Variants in NUP160 observed in about 807,000 individuals in gnomAD.
The protein encoded by NUP160 is nuclear pore complex protein Nup160.
Under a neutral mutation model 196.9 loss-of-function variants are expected in NUP160, and 94 were observed. The ratio of observed to expected loss-of-function variants is 0.48; its 90% CI spans 0.40 to 0.57. The LOEUF (loss-of-function observed/expected upper bound fraction) is 0.57, where lower values mean the gene tolerates loss of function less well. Among genes scored for constraint, NUP160 ranks in the 20% least tolerant of loss-of-function variants. NUP160 has a pLI of 0.00. For missense variants in NUP160, 1,638 were observed against 1,748.3 expected (o/e 0.94, Z 1.13); for synonymous variants, 605 against 619.7 (o/e 0.98, Z 0.35).
At chr11:47,832,989 A>G (rs1171606081) in intron 7 of NUP160, among the ~76,000 whole-genome samples, 2 of 148,886 alleles carry the variant, frequency 1.3e-5, no homozygotes, top group Non-Finnish European at 3.0e-5. Flanking sequence ...CTGGGAAGAA[A>G]TGGGGGAAGG....
chr11:47,782,652 ATTAT>A (rs528276059), intron 34 of NUP160, among the ~76,000 whole-genome samples: 4 of 151,250 alleles, frequency 2.6e-5, no homozygotes, highest in Admixed American at 6.6e-5. Context: ...TTATTTATTT[ATTAT>A]TTATTTATTT....
intron 20 of NUP160, among the ~76,000 whole-genome samples, chr11:47,805,100 T>C (rs1009868301): frequency 1.3e-5 from 2 of 151,810 alleles, no homozygotes; most frequent in Admixed American, 6.6e-5. Flanking sequence ...ACCTGGCATA[T>C]AGAGTCATTC....
chr11:47,848,071 G>A (rs1852435968), intron 1 of NUP160, 112 bp from the exon 2 acceptor site: 5 of 1,258,658 alleles, frequency 4.0e-6, no homozygotes, highest in African/African-American at 1.5e-5. Context: ...AAGAAAAGAG[G>A]AAAACGTCGG....
At position 47,836,546 on chromosome 11, in the gene NUP160, G is replaced by C. The variant is rs538116617; in HGVS notation, c.942+341C>G. On this transcript the variant is annotated intron_variant, in intron 6 of 35. Transcript: ENST00000378460. ...GGGAATTGCTTGAGCCCGGGAGGCA[G>C]AGGCTGCAGTGAGCTATATTCATGC... is the stretch of plus-strand genomic sequence containing the variant. Among the ~76,000 whole-genome samples, 351 of 152,262 alleles carry C rather than the reference G, an allele frequency of 2.3e-3. 1 individual carries two copies. The highest frequency in any genetic ancestry group is 6.8e-3 in the Middle Eastern group (2 of 294).
chr11:47,822,116 C>T (rs756941242), exon 8 of NUP160: 24 of 1,610,578 alleles, frequency 1.5e-5, no homozygotes, highest in Non-Finnish European at 2.0e-5. Context: ...GAAATATGAT[C>T]GAGACTATAG....
chr11:47,793,145 G>A (rs1447165307), intron 27 of NUP160, among the ~76,000 whole-genome samples, 199 bp from the exon 28 acceptor site: 1 of 151,836 alleles, frequency 6.6e-6, no homozygotes, highest in Non-Finnish European at 1.5e-5. Flanking sequence ...CGACCACCAC[G>A]CCCGGCTAAT....
At chr11:47,792,946 G>C in exon 28 of NUP160, 1 of 1,605,378 alleles carries the variant, frequency 6.2e-7, no homozygotes, top group Non-Finnish European at 8.5e-7. Context: ...CACTGTGCCA[G>C]CTATGAGGAG....
rs2097681338 is a variant in NUP160, at chr11:47,811,863, ACT to A, written c.2241+199_2241+200del. On this transcript the variant is annotated intron_variant, in intron 17 of 35. Transcript: ENST00000378460. ...CCCTCCATATATGCTCTTAATCTAT[ACT>A]CTCACAAGGATTACAATGCTTATTC... Among the ~76,000 whole-genome samples the A allele has an allele frequency of 2.0e-5, 3 of 152,220 alleles. 1 individual carries two copies. In the South Asian group the frequency reaches 6.2e-4, roughly 32 times the overall value.
intron 27 of NUP160, among the ~76,000 whole-genome samples, chr11:47,793,749 TTTTTTTTTG>T (rs2097669297): frequency 7.1e-6 from 1 of 141,486 alleles, no homozygotes; most frequent in African/African-American, 2.7e-5. Context: ...TTTTTTTTTT[TTTTTTTTTG>T]AGACGGAGTT....
Position 47,836,903 on chromosome 11 carries a change from C to T in NUP160, c.926G>A (p.Arg309Gln), listed in dbSNP as rs751881829. ...AGCACTTACCTTGTAAGACCACATT[C>T]GTAGTTTATGATCCTGACACAAAGC... Residue 309 changes from arginine to glutamine, a missense_variant, in exon 6 of 36, where the codon CGA (arginine) becomes CAA (glutamine). Arg to Gln is a conservative substitution (Grantham distance 43, BLOSUM62 1). Coordinates refer to ENST00000378460, the Ensembl canonical transcript of NUP160. 3.7e-5 allele frequency: 60 copies of T among 1,600,786 alleles called. No homozygotes were observed. The Admixed American group carries it at 8.3e-4, about 22-fold the overall frequency.
At chr11:47,805,231 G>GTGATTCTCCTCCCTCAGCCTCC (rs1205223092) in intron 20 of NUP160, among the ~76,000 whole-genome samples, 37 of 151,926 alleles carry the variant, frequency 2.4e-4, no homozygotes, top group African/African-American at 8.5e-4. Flanking sequence ...CAAGGTTCAA[G>GTGATTCTCCTCCCTCAGCCTCC]TGATTCTCCT....
chr11:47,839,806 G>A lies in NUP160; in HGVS notation c.748+37C>T, dbSNP rs1473609568. 4 of 1,519,778 alleles carry A rather than the reference G, an allele frequency of 2.6e-6. No individual in the cohort carries two copies. In the African/African-American group the frequency reaches 5.5e-5, roughly 21 times the overall value. 94.1% of individuals were successfully genotyped at this position (1,519,778 alleles called of 1,614,324 possible). On this transcript the variant is annotated intron_variant, in intron 4 of 35. Coordinates refer to ENST00000378460, the Ensembl canonical transcript of NUP160. ...AACTGTTTCAATGTTAACATTCCTT[G>A]TTTAAAGTTAAATCCATGCTCAGTT...
intron 14 of NUP160, 55 bp downstream of exon 14, chr11:47,813,261 A>C: frequency 1.1e-5 from 14 of 1,304,488 alleles, no homozygotes; most frequent in South Asian, 3.6e-5. Flanking sequence ...TGTGAAACGA[A>C]GCATAGGGTT....
chr11:47,788,463 G>A, intron 30 of NUP160, 38 bp downstream of exon 30: 1 of 1,574,698 alleles, frequency 6.4e-7, no homozygotes. Flanking sequence ...TGCTCGTGGT[G>A]CTGACAAGTC....
Position 47,812,469 on chromosome 11 carries a change from T to C in NUP160, c.1953-40A>G, listed in dbSNP as rs755444812. 1.2e-5 allele frequency: 19 copies of C among 1,588,234 alleles called. No individual in the cohort carries two copies. In the South Asian group the frequency reaches 1.2e-4, roughly 10 times the overall value. ...ACAAAACTCTTATTACTACCGAGAA[T>C]ACGTAAGGCAAGTTCTATATGTCCT... is the stretch of plus-strand genomic sequence containing the variant. On this transcript the variant is annotated intron_variant, in intron 15 of 35. Coordinates refer to ENST00000378460, the Ensembl canonical transcript of NUP160.
chr11:47,822,079 C>A lies in NUP160; in HGVS notation c.1179+8G>T. ...CTTATGTGATATGCAAAGGATGAAT[C>A]AACCTACCTGAGAAGTGAACAGTGA... On this transcript the variant is annotated splice_region_variant and intron_variant, in intron 8 of 35. Coordinates refer to ENST00000378460, the Ensembl canonical transcript of NUP160. 1 of 1,580,158 alleles carries A rather than the reference C, an allele frequency of 6.3e-7. No homozygotes were observed. The highest frequency in any genetic ancestry group is 1.1e-5 in the South Asian group (1 of 88,986).
chr11:47,819,312 C>CAAAA (rs398040227), intron 10 of NUP160, 62 bp downstream of exon 10: 8 of 1,046,358 alleles, frequency 7.6e-6, no homozygotes, highest in East Asian at 2.7e-5. Flanking sequence ...GACTCTGTCT[C>CAAAA]AAAAAAAAAA....
intron 31 of NUP160, among the ~76,000 whole-genome samples, chr11:47,787,428 C>CT (rs145162308): frequency 0.19 from 24,625 of 129,890 alleles, 2,672 homozygotes; most frequent in East Asian, 0.29. Context: ...AATTCACAAA[C>CT]TTTTTTTTTT....
At chr11:47,835,698 T>C (rs750696872) in exon 7 of NUP160, 5 of 1,605,026 alleles carry the variant, frequency 3.1e-6, no homozygotes, top group African/African-American at 1.3e-5. Flanking sequence ...TAGAGTCCCA[T>C]GGTGGGGGAA....
Sources: allele counts gnomAD v4.1 joint callset (sites outside exome capture counted in the v4.1 genomes callset), GRCh38; gene constraint gnomAD v4.1.1; transcripts MANE v1.5; gene names NCBI Gene and HGNC (gene_info 2026-07-23, HGNC 2026-07-21).